The following CYP19A1 variants were observed in gnomAD, a reference collection of about 807,000 sequenced individuals.
CYP19A1 encodes the protein aromatase.
CYP19A1 carries 32 observed loss-of-function variants against 44.4 expected under a neutral mutation model. The ratio of observed to expected loss-of-function variants is 0.72; its 90% CI spans 0.54 to 0.97. The LOEUF (loss-of-function observed/expected upper bound fraction) is 0.97, where lower values mean the gene tolerates loss of function less well. CYP19A1 is among the 50% of genes least tolerant of loss of function. The pLI is 0.00. For missense variants in CYP19A1, 598 were observed against 637.8 expected, an observed-to-expected ratio of 0.94 and a Z score of 0.67; for synonymous variants, 212 against 215.6, an observed-to-expected ratio of 0.98 and a Z score of 0.14.
At chr15:51,282,315 A>G (rs1210674382) in intron 1 of CYP19A1, among the ~76,000 whole-genome samples, 5 of 152,264 alleles carry the variant, frequency 3.3e-5, no homozygotes, top group African/African-American at 9.6e-5. Flanking sequence ...TCCAGGGCTC[A>G]GTGCATAAAA....
intron 1 of CYP19A1, among the ~76,000 whole-genome samples, chr15:51,289,931 C>G (rs2035804628): frequency 6.6e-6 from 1 of 152,132 alleles, no homozygotes; most frequent in South Asian, 2.1e-4. Flanking sequence ...GAACAGCACC[C>G]CCAACTTCCC....
chr15:51,223,082 C>G (rs1023603603), intron 4 of CYP19A1, among the ~76,000 whole-genome samples: 1 of 152,152 alleles, frequency 6.6e-6, no homozygotes, highest in African/African-American at 2.4e-5. Flanking sequence ...TCTCTTCAAA[C>G]TACTTCCAGG....
chr15:51,225,652 G>C lies in CYP19A1; in HGVS notation c.451+2127C>G, dbSNP rs2032509907. ...AGGAGATTTATCTCCCCCAACATGA[G>C]TGATAGGCAGAATAATAGCATCCTA... On this transcript the variant is annotated intron_variant, in intron 4 of 9. Transcript: ENST00000396402. Among the ~76,000 whole-genome samples, 4 of 152,160 alleles carry C rather than the reference G, an allele frequency of 2.6e-5. No homozygotes were observed. In the South Asian group the frequency reaches 8.3e-4, roughly 31 times the overall value.
At chr15:51,247,079 G>A (rs1399672303) in intron 1 of CYP19A1, among the ~76,000 whole-genome samples, 1 of 152,048 alleles carries the variant, frequency 6.6e-6, no homozygotes, top group Non-Finnish European at 1.5e-5. Context: ...GACCCATTTG[G>A]CCATTCCTCC....
chr15:51,273,004 G>A (rs913801197), intron 1 of CYP19A1, among the ~76,000 whole-genome samples: 3 of 152,004 alleles, frequency 2.0e-5, no homozygotes, highest in Non-Finnish European at 4.4e-5. Context: ...TTTCGCCCAG[G>A]CTAGAGTGCA....
chr15:51,283,487 C>G (rs2035597300), intron 1 of CYP19A1, among the ~76,000 whole-genome samples: 1 of 152,186 alleles, frequency 6.6e-6, no homozygotes, highest in Non-Finnish European at 1.5e-5. Flanking sequence ...AGCCATTACT[C>G]TGAATACGTT....
At chr15:51,300,355 C>T (rs1386867176) in intron 1 of CYP19A1, among the ~76,000 whole-genome samples, 2 of 152,148 alleles carry the variant, frequency 1.3e-5, no homozygotes, top group Non-Finnish European at 2.9e-5. Context: ...ACGAGAGGGC[C>T]GCACGCAGCC....
intron 6 of CYP19A1, among the ~76,000 whole-genome samples, chr15:51,216,860 A>T (rs555834138): frequency 6.6e-6 from 1 of 152,296 alleles, no homozygotes; most frequent in African/African-American, 2.4e-5. Context: ...AAGTGAAGGG[A>T]TCAGACTGGA....
intron 3 of CYP19A1, among the ~76,000 whole-genome samples, chr15:51,231,749 C>T (rs2033054227): frequency 6.6e-6 from 1 of 152,098 alleles, no homozygotes; most frequent in Non-Finnish European, 1.5e-5. Context: ...CATTCACTCT[C>T]TCACTCTTCT....
intron 1 of CYP19A1, chr15:51,318,940 G>A (rs2036478457): frequency 6.6e-6 from 1 of 152,194 alleles, no homozygotes; most frequent in African/African-American, 2.4e-5. Flanking sequence ...TCCCCAAGCT[G>A]ACCATACAGC....
At chr15:51,220,099 T>C (rs1169822083) in intron 5 of CYP19A1, among the ~76,000 whole-genome samples, 2 of 152,200 alleles carry the variant, frequency 1.3e-5, no homozygotes, top group Admixed American at 6.5e-5. Context: ...GTTCAGCTGG[T>C]TGGGGCAAGT....
intron 1 of CYP19A1, among the ~76,000 whole-genome samples, chr15:51,333,788 A>G (rs1845843468): frequency 6.6e-6 from 1 of 152,088 alleles, no homozygotes. Flanking sequence ...CAGGCTTAAT[A>G]TTGGCAGGAA....
chr15:51,251,764 T>C (rs183055106), intron 1 of CYP19A1, among the ~76,000 whole-genome samples: 1 of 152,324 alleles, frequency 6.6e-6, no homozygotes, highest in Non-Finnish European at 1.5e-5. Context: ...GCAGCAGCAC[T>C]GCTGGCCTTT....
chr15:51,335,837 C>T (rs2036766682), intron 1 of CYP19A1, among the ~76,000 whole-genome samples: 1 of 152,198 alleles, frequency 6.6e-6, no homozygotes, highest in Non-Finnish European at 1.5e-5. Context: ...AAGGAAGGTC[C>T]CACCCACAGA....
At chr15:51,318,096 C>T (rs896727341) in intron 1 of CYP19A1, among the ~76,000 whole-genome samples, 8 of 152,158 alleles carry the variant, frequency 5.3e-5, no homozygotes, top group African/African-American at 1.9e-4. Context: ...GTGTAGCTCC[C>T]CTCACAAGGC....
In CYP19A1 at chr15:51,210,842, G is replaced by T. The variant is rs368326878; in HGVS notation, c.1478C>A (p.Thr493Asn). The change falls in exon 10 of 10, where the codon ACC (threonine) becomes AAC (asparagine). Residue 493 changes from threonine to asparagine, a missense_variant. Thr to Asn is a moderately conservative substitution (Grantham distance 65, BLOSUM62 0). Coordinates refer to ENST00000396402, the MANE Select transcript of CYP19A1 (RefSeq NM_000103.4). ...CAGACACCTGTCTGAGTTTCTTGGG[G>T]TAAAGATCATTTCCAGCATGTTTTT... is the stretch of plus-strand genomic sequence containing the variant. ...ETKNMLEMIF[T>N]PRNSDRCLEH is the part of the protein sequence containing the mutation. 4 of 1,597,782 alleles carry T rather than the reference G, an allele frequency of 2.5e-6. No homozygotes were observed. The African/African-American group carries it at 5.4e-5, about 21-fold the overall frequency.
chr15:51,249,189 C>T (rs576834785), intron 1 of CYP19A1, among the ~76,000 whole-genome samples: 3 of 152,276 alleles, frequency 2.0e-5, no homozygotes, highest in African/African-American at 7.2e-5. Context: ...GATTCACCTG[C>T]CATGGCCTCC....
chr15:51,332,840 C>T (rs1421105884), intron 1 of CYP19A1, among the ~76,000 whole-genome samples: 1 of 152,186 alleles, frequency 6.6e-6, no homozygotes, highest in Non-Finnish European at 1.5e-5. Context: ...CCCCATGATC[C>T]TTCTTCCCCT....
chr15:51,230,369 A>G (rs1344379790), intron 3 of CYP19A1, among the ~76,000 whole-genome samples: 1 of 152,188 alleles, frequency 6.6e-6, no homozygotes, highest in Admixed American at 6.5e-5. Flanking sequence ...CCCCAGCCTC[A>G]GCAGGGACAG....
Sources: gnomAD v4.1 joint callset for allele counts (sites outside exome capture counted in the v4.1 genomes callset) on GRCh38, gnomAD v4.1.1 for gene constraint, MANE v1.5 for transcripts, NCBI Gene and HGNC (gene_info 2026-07-23, HGNC 2026-07-21) for gene names.